The following STIM1 variants were observed in gnomAD, a reference collection of about 807,000 sequenced individuals.
STIM1 encodes stromal interaction molecule 1.
Under a neutral mutation model 74.7 loss-of-function variants are expected in STIM1, and 25 were observed. That is an observed-to-expected ratio of 0.33 (90% CI 0.24 to 0.47). The LOEUF is 0.47. STIM1 is among the 20% of genes least tolerant of loss of function. STIM1 has a pLI of 1.00. For synonymous variants in STIM1, 328 were observed against 348.8 expected, an observed-to-expected ratio of 0.94 and a Z score of 0.66; for missense variants, 728 against 920.8, an observed-to-expected ratio of 0.79 and a Z score of 2.71.
At chr11:3,978,100 C>G (rs1304030635) in intron 2 of STIM1, among the ~76,000 whole-genome samples, 1 of 151,266 alleles carries the variant, frequency 6.6e-6, no homozygotes, top group Non-Finnish European at 1.5e-5. Context: ...TTTATAGGGA[C>G]TACAACTTTT....
chr11:3,901,499 A>G (rs2092347258), intron 1 of STIM1, among the ~76,000 whole-genome samples: 1 of 152,180 alleles, frequency 6.6e-6, no homozygotes, highest in African/African-American at 2.4e-5. Flanking sequence ...TTTAGTTGAC[A>G]AGGTACCTCC....
At chr11:3,900,316 G>A (rs1223151073) in intron 1 of STIM1, among the ~76,000 whole-genome samples, 1 of 152,160 alleles carries the variant, frequency 6.6e-6, no homozygotes, top group Non-Finnish European at 1.5e-5. Flanking sequence ...GGAGTGACCC[G>A]ATTTTCCAGG....
chr11:4,030,087 G>A (rs941781489), intron 3 of STIM1, among the ~76,000 whole-genome samples: 5 of 152,130 alleles, frequency 3.3e-5, no homozygotes, highest in Non-Finnish European at 7.4e-5. Flanking sequence ...TAGCACTTTT[G>A]AGAGGCTGAG....
At chr11:4,087,037 C>G (rs1378580951) in intron 12 of STIM1, among the ~76,000 whole-genome samples, 1 of 152,156 alleles carries the variant, frequency 6.6e-6, no homozygotes, top group Non-Finnish European at 1.5e-5. Flanking sequence ...TACTTTCTCC[C>G]CTTCTGTGTT....
chr11:3,973,127 G>C (rs1012297547), intron 2 of STIM1: 2 of 414,222 alleles, frequency 4.8e-6, no homozygotes, highest in Admixed American at 2.9e-5. Flanking sequence ...CGTAACCAGG[G>C]CTGCCCCTCT....
chr11:4,072,204 A>G (rs2094408250), intron 6 of STIM1, among the ~76,000 whole-genome samples: 1 of 151,866 alleles, frequency 6.6e-6, no homozygotes, highest in Admixed American at 6.6e-5. Context: ...AGACAAAGAC[A>G]CCCCTCCCCT....
intron 1 of STIM1, among the ~76,000 whole-genome samples, chr11:3,949,913 C>A (rs966795613): frequency 1.3e-5 from 2 of 152,118 alleles, no homozygotes; most frequent in African/African-American, 4.8e-5. Flanking sequence ...CCACAAAGAT[C>A]CTTCCTATTC....
At chr11:4,083,646 ACTCAGGT>A in intron 10 of STIM1, 148 bp downstream of exon 10, 1 of 757,060 alleles carries the variant, frequency 1.3e-6, no homozygotes, top group Non-Finnish European at 2.2e-6. Context: ...AGCACAATTT[ACTCAGGT>A]TATTTCTTTA....
intron 1 of STIM1, among the ~76,000 whole-genome samples, chr11:3,857,427 T>C (rs2090429857): frequency 6.6e-6 from 1 of 151,942 alleles, no homozygotes; most frequent in Non-Finnish European, 1.5e-5. Context: ...ACTTTTTTTT[T>C]CTTTCTATTT....
chr11:3,927,664 G>T (rs750525), intron 1 of STIM1, among the ~76,000 whole-genome samples: 44 of 151,988 alleles, frequency 2.9e-4, no homozygotes, highest in Non-Finnish European at 6.2e-4. Context: ...CAGCAGGGCC[G>T]GTTATATTAC....
intron 1 of STIM1, among the ~76,000 whole-genome samples, chr11:3,955,919 A>C (rs926810578): frequency 6.6e-6 from 1 of 151,728 alleles, no homozygotes; most frequent in East Asian, 1.9e-4. Flanking sequence ...TTTAATTAAA[A>C]ATTTTTTTAT....
intron 1 of STIM1, among the ~76,000 whole-genome samples, chr11:3,870,104 C>T (rs1239508829): frequency 1.3e-5 from 2 of 152,154 alleles, no homozygotes; most frequent in Non-Finnish European, 2.9e-5. Context: ...CTTCAGGAAC[C>T]AAATAATTCT....
intron 1 of STIM1, among the ~76,000 whole-genome samples, chr11:3,879,477 C>T (rs2091421732): frequency 6.6e-6 from 1 of 152,216 alleles, no homozygotes; most frequent in African/African-American, 2.4e-5. Context: ...CCCCAGCCAA[C>T]TGATGGTAGT....
chr11:3,901,867 C>T (rs1430029854), intron 1 of STIM1, among the ~76,000 whole-genome samples: 1 of 152,188 alleles, frequency 6.6e-6, no homozygotes, highest in Non-Finnish European at 1.5e-5. Context: ...CTCAGGTGAT[C>T]CTCCTGCCCC....
At chr11:3,985,143 C>A (rs1053175420) in intron 2 of STIM1, among the ~76,000 whole-genome samples, 2 of 152,142 alleles carry the variant, frequency 1.3e-5, no homozygotes, top group East Asian at 3.8e-4. Context: ...GAAAACCCGA[C>A]GGTGGCTTGC....
intron 1 of STIM1, among the ~76,000 whole-genome samples, chr11:3,943,500 AC>A (rs1203571141): frequency 6.6e-6 from 1 of 152,166 alleles, no homozygotes; most frequent in Non-Finnish European, 1.5e-5. Context: ...AAGCTGGTAA[AC>A]TTTTTTTGTT....
At chr11:3,899,330 T>G (rs2092280435) in intron 1 of STIM1, among the ~76,000 whole-genome samples, 1 of 152,208 alleles carries the variant, frequency 6.6e-6, no homozygotes, top group African/African-American at 2.4e-5. Context: ...CTGTTATTGG[T>G]GTATAAGAAT....
chr11:4,058,928 C>A (rs1433796017), intron 4 of STIM1: 4 of 1,127,874 alleles, frequency 3.5e-6, no homozygotes, highest in Non-Finnish European at 4.4e-6. Flanking sequence ...ACAGGAAATG[C>A]ATTTATAAAT....
chr11:3,913,693 T>A (rs2092599851), intron 1 of STIM1, among the ~76,000 whole-genome samples: 1 of 152,188 alleles, frequency 6.6e-6, no homozygotes, highest in Non-Finnish European at 1.5e-5. Flanking sequence ...TCAGTAGCAT[T>A]TAGTACATTC....
Sources: gnomAD v4.1 joint callset for allele counts (sites outside exome capture counted in the v4.1 genomes callset) on GRCh38, gnomAD v4.1.1 for gene constraint, MANE v1.5 for transcripts, NCBI Gene and HGNC (gene_info 2026-07-23, HGNC 2026-07-21) for gene names.